Variants in HCN2 observed in about 807,000 individuals in gnomAD.
HCN2 encodes the protein potassium/sodium hyperpolarization-activated cyclic nucleotide-gated channel 2.
Under a neutral mutation model 52.3 loss-of-function variants are expected in HCN2, and 20 were observed. That is an observed-to-expected ratio of 0.38 (90% CI 0.27 to 0.56). HCN2 has a LOEUF of 0.56. Ranked by LOEUF, HCN2 falls within the 20% of genes least tolerant of loss-of-function variation. The pLI, the probability that HCN2 is intolerant of heterozygous loss-of-function variation, is 0.71. For synonymous variants in HCN2, 694 were observed against 537.0 expected, an observed-to-expected ratio of 1.29 and a Z score of -4.04; for missense variants, 981 against 1,207.7, an observed-to-expected ratio of 0.81 and a Z score of 2.78.
At chr19:602,098 TCC>T (rs144846414) in intron 1 of HCN2, among the ~76,000 whole-genome samples, 2,422 of 129,040 alleles carry the variant, frequency 0.019, 68 homozygotes, top group East Asian at 0.054. Context: ...CCCCACTTCC[TCC>T]CCTCTCCTCC....
At chr19:611,916 C>T (rs12610632) in intron 5 of HCN2, among the ~76,000 whole-genome samples, 18,301 of 152,186 alleles carry the variant, frequency 0.12, 1,295 homozygotes, top group East Asian at 0.3. Flanking sequence ...GAGGCCGAGA[C>T]GGGCAGATCA....
rs1419986498 is a variant in HCN2, at chr19:613,644, T to C, written c.1825+156T>C. Reference sequence around the variant, plus strand: ...ATGGGGATGGGGATGGGGCCGGGGATGGGGATGGGGATGGGGCCGGGGATG... The same window carrying C: ...ATGGGGATGGGGATGGGGCCGGGGACGGGGATGGGGATGGGGCCGGGGATG... On this transcript the variant is annotated intron_variant, in intron 6 of 7. Transcript: ENST00000251287. Among the ~76,000 whole-genome samples, 66 of 9,774 alleles carry C rather than the reference T, an allele frequency of 6.8e-3. 2 individuals are homozygous for C. The highest frequency in any genetic ancestry group is 9.9e-3 in the South Asian group (3 of 304). The allele number at this position is 9,774 out of a possible 152,430, so 6.4% of individuals were successfully genotyped here.
chr19:616,427 C>CT lies in HCN2; in HGVS notation c.2624dup (p.Asp876GlyfsTer?). ...GGCCTCACCCGGCGCCGCCGGCGGCCTGGACCCCCAGGACTCCGCGCGCTC... is the reference window on the plus strand; with the variant it reads ...GGCCTCACCCGGCGCCGCCGGCGGCCTTGGACCCCCAGGACTCCGCGCGCTC... On this transcript the variant is annotated frameshift_variant, in exon 8 of 8. Transcript: ENST00000251287. LOFTEE classifies it low-confidence loss of function (END_TRUNC). 8.0e-7 allele frequency: 1 copy of CT among 1,246,690 alleles called. No homozygotes were observed. The highest frequency in any genetic ancestry group is 1.0e-6 in the Non-Finnish European group (1 of 992,902). 77.2% of individuals were successfully genotyped at this position (1,246,690 alleles called of 1,614,324 possible).
intron 4 of HCN2, 126 bp from the exon 5 acceptor site, chr19:610,133 G>A (rs533953467): frequency 1.1e-5 from 12 of 1,136,670 alleles, no homozygotes; most frequent in East Asian, 7.5e-5. Context: ...GCAGGTGCCC[G>A]TGTGCCCGCT....
At chr19:609,717 A>C (rs1221457458) in intron 4 of HCN2, among the ~76,000 whole-genome samples, 4 of 152,272 alleles carry the variant, frequency 2.6e-5, no homozygotes. Context: ...CCTGTGCAAT[A>C]TGGCGAGACC....
At chr19:606,169 G>C (rs10419399) in intron 3 of HCN2, among the ~76,000 whole-genome samples, 1 of 151,826 alleles carries the variant, frequency 6.6e-6, no homozygotes. Context: ...GCACGATCTC[G>C]GCTTACCACA....
chr19:613,608 C>CATGGGGATGAT (rs1983749308), intron 6 of HCN2, 120 bp downstream of exon 6: 2 of 68,880 alleles, frequency 2.9e-5, no homozygotes, highest in Admixed American at 3.5e-4. Flanking sequence ...GGGATGGGGC[C>CATGGGGATGAT]GGGGATGGGG....
Position 591,549 on chromosome 19 carries a change from G to A in HCN2, c.632+972G>A, listed in dbSNP as rs1982872866. Among the ~76,000 whole-genome samples, 1 of 152,124 alleles carries A rather than the reference G, an allele frequency of 6.6e-6. No individual in the cohort carries two copies. The highest frequency in any genetic ancestry group is 2.1e-4 in the South Asian group (1 of 4,834). ...AGGTCTCACACACGCGACCATGGAG[G>A]GATGCGTGTGTGTTTGTGTATCCAC... is the stretch of plus-strand genomic sequence containing the variant. On this transcript the variant is annotated intron_variant, in intron 1 of 7. Coordinates refer to ENST00000251287, the MANE Select transcript of HCN2 (RefSeq NM_001194.4). The surrounding 1 kb of genome is among the most constrained non-coding windows in gnomAD (Gnocchi z 4.1).
intron 5 of HCN2, among the ~76,000 whole-genome samples, chr19:612,937 C>T (rs1345282661): frequency 6.6e-6 from 1 of 152,026 alleles, no homozygotes; most frequent in Non-Finnish European, 1.5e-5. Context: ...GCCTCGGCCT[C>T]CGCAAATGCT....
intron 4 of HCN2, among the ~76,000 whole-genome samples, chr19:608,698 C>T (rs1037599773): frequency 1.3e-5 from 2 of 151,816 alleles, no homozygotes; most frequent in Non-Finnish European, 2.9e-5. Context: ...GGGGCATTGC[C>T]AGGAGGCTGG....
At chr19:598,133 C>G (rs905936686) in intron 1 of HCN2, among the ~76,000 whole-genome samples, 1 of 152,148 alleles carries the variant, frequency 6.6e-6, no homozygotes, top group Non-Finnish European at 1.5e-5. Flanking sequence ...TCAGCCCACT[C>G]GGTGCTGGGG....
chr19:595,935 G>A (rs1406542290), intron 1 of HCN2, among the ~76,000 whole-genome samples: 1 of 152,110 alleles, frequency 6.6e-6, no homozygotes, highest in African/African-American at 2.4e-5. Flanking sequence ...GGCTCCTGCG[G>A]GGAGGGCCTG....
At chr19:601,131 G>A (rs1380365169) in intron 1 of HCN2, among the ~76,000 whole-genome samples, 1 of 152,164 alleles carries the variant, frequency 6.6e-6, no homozygotes, top group Non-Finnish European at 1.5e-5. Flanking sequence ...TGACCAACAT[G>A]GTGAAACCCT....
intron 4 of HCN2, 68 bp from the exon 5 acceptor site, chr19:610,191 A>T (rs1335327050): frequency 6.5e-6 from 10 of 1,549,920 alleles, no homozygotes. Context: ...CCACAGTACA[A>T]GCAGGTGCCC....
intron 4 of HCN2, among the ~76,000 whole-genome samples, chr19:609,656 C>T (rs149381391): frequency 3.2e-4 from 49 of 152,340 alleles, no homozygotes; most frequent in African/African-American, 1.4e-4. Context: ...ATCCCCACTA[C>T]TCAGGAGGCC....
At chr19:597,939 G>T (rs908027985) in intron 1 of HCN2, among the ~76,000 whole-genome samples, 1 of 152,100 alleles carries the variant, frequency 6.6e-6, no homozygotes, top group African/African-American at 2.4e-5. Context: ...CTCGCCCCTC[G>T]TGGGGGAGGT....
At chr19:610,442 G>A (rs765126321) in intron 5 of HCN2, 37 bp downstream of exon 5, 74 of 1,592,418 alleles carry the variant, frequency 4.6e-5, no homozygotes, top group Middle Eastern at 1.9e-4. Flanking sequence ...GGCAGCCTCC[G>A]GTACAGGGCC....
rs1388035950 is a variant in HCN2, at chr19:616,207, C to A, written c.2403C>A (p.Ala801=). 8.1e-6 allele frequency: 8 copies of A among 985,904 alleles called. No individual in the cohort carries two copies. The highest frequency in any genetic ancestry group is 8.4e-6 in the Non-Finnish European group (7 of 831,082). The allele number at this position is 985,904 out of a possible 1,614,324, so 61.1% of individuals were successfully genotyped here. The change falls in exon 8 of 8, where the codon GCC becomes GCA. Residue 801 remains alanine (A), a synonymous_variant. Coordinates refer to ENST00000251287, the MANE Select transcript of HCN2 (RefSeq NM_001194.4). ...CGCCCTACGGCGGCCTGCCCGCCGC[C>A]CCCCTTGCTGGGCCCGCCCTGCCCG... ...RTSPYGGLPA[A]PLAGPALPAR...
intron 4 of HCN2, 138 bp from the exon 5 acceptor site, chr19:610,121 A>T: frequency 1.0e-6 from 1 of 1,000,724 alleles, no homozygotes; most frequent in Non-Finnish European, 1.5e-6. Flanking sequence ...TCTGACCCAC[A>T]AGCAGGTGCC....
Sources: gnomAD v4.1 joint callset for allele counts (sites outside exome capture counted in the v4.1 genomes callset) on GRCh38, gnomAD v4.1.1 for gene constraint, Gnocchi (gnomAD v3.1) non-coding constraint, MANE v1.5 for transcripts, NCBI Gene and HGNC (gene_info 2026-07-23, HGNC 2026-07-21) for gene names.